The following AKT3 variants were observed in gnomAD, a reference collection of about 807,000 sequenced individuals.
AKT3 encodes the protein AKT serine/threonine kinase 3.
AKT3 carries 15 observed loss-of-function variants against 65.3 expected under a neutral mutation model. That is an observed-to-expected ratio of 0.23 (90% CI 0.15 to 0.35). The LOEUF (loss-of-function observed/expected upper bound fraction) is 0.35. AKT3 is among the 10% of genes least tolerant of loss of function. AKT3 has a pLI of 1.00. For synonymous variants in AKT3, 206 were observed against 183.8 expected (o/e 1.12, Z -0.98); for missense variants, 243 against 576.5 (o/e 0.42, Z 5.92).
chr1:243,788,900 A>G (rs1691442363), intron 2 of AKT3: 1 of 152,844 alleles, frequency 6.5e-6, no homozygotes, highest in African/African-American at 2.4e-5. Flanking sequence ...AACGTGTCAT[A>G]CTATTTATCC....
At chr1:243,581,657 C>T (rs1361059505) in intron 8 of AKT3, among the ~76,000 whole-genome samples, 2 of 152,002 alleles carry the variant, frequency 1.3e-5, no homozygotes, top group African/African-American at 4.8e-5. Flanking sequence ...AAGAAAAAAG[C>T]AGCGTAAGAA....
At chr1:243,491,143 C>A (rs1017366636) in intron 13 of AKT3, among the ~76,000 whole-genome samples, 2 of 152,246 alleles carry the variant, frequency 1.3e-5, no homozygotes, top group Admixed American at 6.5e-5. Context: ...TGCCTTTTAA[C>A]TCCCCATCTG....
intron 3 of AKT3, among the ~76,000 whole-genome samples, chr1:243,669,910 T>C (rs1683051181): frequency 6.6e-6 from 1 of 152,176 alleles, no homozygotes; most frequent in East Asian, 1.9e-4. Context: ...ACTTCACTGT[T>C]CTTACTAAAC....
chr1:243,676,485 C>T (rs951257946), intron 3 of AKT3, among the ~76,000 whole-genome samples: 7 of 152,192 alleles, frequency 4.6e-5, no homozygotes, highest in Non-Finnish European at 8.8e-5. Context: ...CTCAAACCTG[C>T]TTCTTCAGTC....
At chr1:243,763,848 G>A (rs1257355599) in intron 2 of AKT3, among the ~76,000 whole-genome samples, 2 of 151,920 alleles carry the variant, frequency 1.3e-5, no homozygotes, top group African/African-American at 4.8e-5. Context: ...CTCCTTTTCT[G>A]TTTATTTCCA....
At chr1:243,595,725 G>C (rs973780851) in intron 8 of AKT3, among the ~76,000 whole-genome samples, 1 of 152,112 alleles carries the variant, frequency 6.6e-6, no homozygotes, top group African/African-American at 2.4e-5. Context: ...CTGTCCCACT[G>C]TAAGGTCTTT....
At chr1:243,496,925 C>G (rs963672780), downstream of AKT3, among the ~76,000 whole-genome samples, 1 of 152,202 alleles carries the variant, frequency 6.6e-6, no homozygotes, top group South Asian at 2.1e-4. Context: ...GTGGACAGCA[C>G]GGCAGGGGAG....
At chr1:243,528,487 C>CA (rs1671307361) in intron 12 of AKT3, among the ~76,000 whole-genome samples, 2 of 152,152 alleles carry the variant, frequency 1.3e-5, no homozygotes, top group Admixed American at 6.5e-5. Context: ...CCTCCACCCT[C>CA]AAGTAGGCCT....
intron 2 of AKT3, among the ~76,000 whole-genome samples, chr1:243,740,992 T>A (rs1396298033): frequency 6.6e-6 from 1 of 152,202 alleles, no homozygotes; most frequent in Non-Finnish European, 1.5e-5. Flanking sequence ...TCTCATCAAA[T>A]ATTTGTTCAA....
At chr1:243,709,980 T>C (rs1686044217) in intron 2 of AKT3, among the ~76,000 whole-genome samples, 1 of 152,158 alleles carries the variant, frequency 6.6e-6, no homozygotes, top group African/African-American at 2.4e-5. Context: ...ACATCTTTAA[T>C]CAGATTTTTT....
intron 12 of AKT3, among the ~76,000 whole-genome samples, chr1:243,520,885 AT>A (rs1443198883): frequency 6.6e-6 from 1 of 152,166 alleles, no homozygotes; most frequent in African/African-American, 2.4e-5. Context: ...TCACTCTACC[AT>A]TTACTATCTT....
chr1:243,811,130 C>CT (rs1693115456), intron 2 of AKT3, among the ~76,000 whole-genome samples: 1 of 152,198 alleles, frequency 6.6e-6, no homozygotes, highest in African/African-American at 2.4e-5. Context: ...GGGATGCCCT[C>CT]TCTCACCACT....
At chr1:243,535,649 C>A (rs1259276134) in intron 12 of AKT3, among the ~76,000 whole-genome samples, 2 of 152,114 alleles carry the variant, frequency 1.3e-5, no homozygotes, top group African/African-American at 4.8e-5. Context: ...TAGGTTGATT[C>A]CCTATCTTTG....
At chr1:243,676,180 C>T (rs768276393) in intron 3 of AKT3, among the ~76,000 whole-genome samples, 2 of 151,998 alleles carry the variant, frequency 1.3e-5, no homozygotes, top group Non-Finnish European at 2.9e-5. Context: ...ATACTATTTT[C>T]GAAAGATTAA....
In AKT3 at chr1:243,562,992, C is replaced by T. The variant is rs115369288; in HGVS notation, c.948+728G>A. Among the ~76,000 whole-genome samples the T allele has an allele frequency of 9.8e-3, 1,497 of 152,296 alleles. 28 individuals carry two copies. Among genetic ancestry groups the T allele is most frequent in the African/African-American group, 0.035 (1,445 of 41,554 alleles). On this transcript the variant is annotated intron_variant, in intron 10 of 13. Coordinates refer to ENST00000673466, the MANE Select transcript of AKT3 (RefSeq NM_005465.7). ...AACACCATCTACAACAGCCACACCA[C>T]ACCCTTACATTTAATCTTGCTTTTT... is the stretch of plus-strand genomic sequence containing the variant.
At chr1:243,841,647 C>T (rs1442861951) in intron 2 of AKT3, among the ~76,000 whole-genome samples, 1 of 152,112 alleles carries the variant, frequency 6.6e-6, no homozygotes, top group Non-Finnish European at 1.5e-5. Flanking sequence ...CACACACTTA[C>T]CATATGACCC....
intron 2 of AKT3, among the ~76,000 whole-genome samples, chr1:243,732,351 A>G (rs753602377): frequency 1.5e-4 from 23 of 152,190 alleles, no homozygotes; most frequent in Admixed American, 6.5e-5. Context: ...CTTCCATTAA[A>G]AAGCTTCTCC....
intron 12 of AKT3, among the ~76,000 whole-genome samples, chr1:243,524,255 G>T (rs1428040673): frequency 1.3e-5 from 2 of 152,200 alleles, no homozygotes; most frequent in Admixed American, 1.3e-4. Flanking sequence ...TAAATATTTG[G>T]TGAGTAAAGA....
At position 243,504,704 on chromosome 1, in the gene AKT3, G is replaced by A. The variant is rs1463527425; in HGVS notation, c.*545C>T. ...ACCAAATGCTTCCTAATCAATTCCA[G>A]CCACAGCTTAGTGATATATGCCTAC... On this transcript the variant is annotated 3_prime_UTR_variant, in exon 14 of 14. Transcript: ENST00000673466. 4 of 180,230 alleles carry A rather than the reference G, an allele frequency of 2.2e-5. No homozygotes were observed. In the East Asian group the frequency reaches 3.6e-4, roughly 16 times the overall value. The allele number at this position is 180,230 out of a possible 1,614,324, so 11.2% of individuals were successfully genotyped here. A position where few individuals can be genotyped will look rare whatever the true frequency, so the allele number is the denominator to read the frequency against.
Sources: gnomAD v4.1 joint callset for allele counts (sites outside exome capture counted in the v4.1 genomes callset) on GRCh38, gnomAD v4.1.1 for gene constraint, MANE v1.5 for transcripts, NCBI Gene and HGNC (gene_info 2026-07-23, HGNC 2026-07-21) for gene names.